Variants in PPM1H observed in about 807,000 individuals in gnomAD.
PPM1H encodes the protein protein phosphatase 1H.
In PPM1H, 27 loss-of-function variants were observed where a neutral mutation model predicts 54.9. That is an observed-to-expected ratio of 0.49 (90% CI 0.36 to 0.68). The LOEUF (loss-of-function observed/expected upper bound fraction) is 0.68, where lower values mean the gene tolerates loss of function less well. Among genes scored for constraint, PPM1H ranks in the 30% least tolerant of loss-of-function variants. The pLI is 0.00. For missense variants in PPM1H, 596 were observed against 667.8 expected, an observed-to-expected ratio of 0.89 and a Z score of 1.19; for synonymous variants, 305 against 270.8, an observed-to-expected ratio of 1.13 and a Z score of -1.24.
At chr12:62,767,468 C>T (rs1055883962) in intron 4 of PPM1H, among the ~76,000 whole-genome samples, 1 of 152,174 alleles carries the variant, frequency 6.6e-6, no homozygotes, top group African/African-American at 2.4e-5. Flanking sequence ...GCTGCTATAG[C>T]AGATAATCCT....
intron 9 of PPM1H, among the ~76,000 whole-genome samples, chr12:62,657,700 T>A (rs1025880099): frequency 2.0e-5 from 3 of 152,208 alleles, no homozygotes; most frequent in African/African-American, 7.2e-5. Flanking sequence ...TTCAGCTAAC[T>A]CATGGAAAGG....
At chr12:62,819,661 G>A (rs1191605602) in intron 2 of PPM1H, among the ~76,000 whole-genome samples, 1 of 151,978 alleles carries the variant, frequency 6.6e-6, no homozygotes, top group East Asian at 1.9e-4. Flanking sequence ...AGTTTGTTTT[G>A]TTGTTGTTGT....
At chr12:62,732,108 C>T (rs2076324311) in intron 5 of PPM1H, among the ~76,000 whole-genome samples, 1 of 152,160 alleles carries the variant, frequency 6.6e-6, no homozygotes, top group East Asian at 1.9e-4. Context: ...TTAGTCACGA[C>T]TGCAGATCAT....
At chr12:62,680,224 T>TTC (rs199790963) in intron 8 of PPM1H, among the ~76,000 whole-genome samples, 1,707 of 151,032 alleles carry the variant, frequency 0.011, 34 homozygotes, top group African/African-American at 0.039. Context: ...CTTTCTCCCT[T>TTC]TCTCTCTCTC....
intron 6 of PPM1H, among the ~76,000 whole-genome samples, chr12:62,695,865 G>A (rs2076112025): frequency 6.6e-6 from 1 of 152,128 alleles, no homozygotes; most frequent in Non-Finnish European, 1.5e-5. Flanking sequence ...AGATGAGCGT[G>A]AACAGGGATT....
chr12:62,802,342 A>T (rs2076776319), intron 2 of PPM1H, among the ~76,000 whole-genome samples, 182 bp from the exon 3 acceptor site: 1 of 151,960 alleles, frequency 6.6e-6, no homozygotes, highest in Non-Finnish European at 1.5e-5. Flanking sequence ...CAAAAAAAAC[A>T]CTCAGGGAAG....
intron 1 of PPM1H, among the ~76,000 whole-genome samples, chr12:62,854,675 C>T (rs142862515): frequency 3.9e-4 from 59 of 152,122 alleles, no homozygotes; most frequent in African/African-American, 1.3e-3. Flanking sequence ...CGTAAGTAAT[C>T]GCCATGAAAT....
chr12:62,692,017 G>C (rs2076085897), intron 7 of PPM1H, among the ~76,000 whole-genome samples: 1 of 152,156 alleles, frequency 6.6e-6, no homozygotes, highest in South Asian at 2.1e-4. Flanking sequence ...TTCTGCTAGT[G>C]ACTGACCTTG....
At chr12:62,850,839 G>C (rs1869157086) in intron 1 of PPM1H, 1 of 151,806 alleles carries the variant, frequency 6.6e-6, no homozygotes, top group South Asian at 2.1e-4. Flanking sequence ...GAGTGCAATG[G>C]ATAAACCTCG....
rs911177864 is a variant in PPM1H, at chr12:62,776,651, G to A, written c.869+11575C>T. ...CAAATGGGAAAGCAAGGTATTTTCT[G>A]GAGGGGTGAGGGCCAGCATTTCCAG... On this transcript the variant is annotated intron_variant, in intron 4 of 9. Transcript: ENST00000228705. 5.3e-4 allele frequency among the ~76,000 whole-genome samples: 81 copies of A among 152,168 alleles called. 1 individual carries two copies. The highest frequency in any genetic ancestry group is 1.9e-3 in the African/African-American group (78 of 41,434).
intron 6 of PPM1H, among the ~76,000 whole-genome samples, chr12:62,699,087 T>A (rs1565760619): frequency 6.6e-6 from 1 of 152,166 alleles, no homozygotes; most frequent in Non-Finnish European, 1.5e-5. Context: ...ACAAGGGGGG[T>A]GGCAACATTT....
intron 1 of PPM1H, among the ~76,000 whole-genome samples, chr12:62,886,323 T>C (rs1411038450): frequency 6.6e-6 from 1 of 152,216 alleles, no homozygotes; most frequent in Non-Finnish European, 1.5e-5. Context: ...TTATAGGTAA[T>C]TTACAAAACT....
intron 8 of PPM1H, among the ~76,000 whole-genome samples, chr12:62,680,151 A>G (rs2136626934): frequency 6.6e-6 from 1 of 152,246 alleles, no homozygotes; most frequent in East Asian, 1.9e-4. Context: ...GGGACTTCTT[A>G]GGCTAGGTTT....
intron 5 of PPM1H, among the ~76,000 whole-genome samples, chr12:62,728,571 A>T (rs957538761): frequency 1.3e-5 from 2 of 152,212 alleles, no homozygotes; most frequent in Admixed American, 1.3e-4. Flanking sequence ...CCTGAAGAAG[A>T]GGCACCTTCC....
chr12:62,651,554 G>A (rs931004529), intron 9 of PPM1H, among the ~76,000 whole-genome samples: 1 of 152,176 alleles, frequency 6.6e-6, no homozygotes, highest in African/African-American at 2.4e-5. Context: ...GGCTACCCAG[G>A]AAACTCATTT....
intron 3 of PPM1H, among the ~76,000 whole-genome samples, chr12:62,796,368 C>T (rs145667517): frequency 1.4e-4 from 22 of 152,286 alleles, no homozygotes; most frequent in African/African-American, 5.1e-4. Flanking sequence ...TGATGCCAGT[C>T]GCAAGCCCCA....
chr12:62,755,164 C>T, intron 4 of PPM1H: 1 of 536,458 alleles, frequency 1.9e-6, no homozygotes, highest in South Asian at 1.8e-5. Flanking sequence ...CTCTCTGCTC[C>T]TCCCATTTGA....
rs1872254344 is a variant in PPM1H, at chr12:62,934,453, C to A, written c.245+39G>T. On this transcript the variant is annotated intron_variant, in intron 1 of 9. Coordinates refer to ENST00000228705, the MANE Select transcript of PPM1H (RefSeq NM_020700.2). This position sits in a 1 kb window ranked among gnomAD's most constrained non-coding sequence, Gnocchi z 4.2. The stretch of plus-strand genomic sequence containing the variant: ...GCTGGAACCGTGCGGGGAAGGGCCG[C>A]GAGGAGAGCAGGGGCGCCGCCGGTG... The A allele has an allele frequency of 6.6e-7, 1 of 1,506,232 alleles. No homozygotes were observed. Among genetic ancestry groups the A allele is most frequent in the South Asian group, 1.3e-5 (1 of 78,190 alleles). 93.3% of individuals were successfully genotyped at this position (1,506,232 alleles called of 1,614,324 possible). A position where few individuals can be genotyped will look rare whatever the true frequency, so the allele number is the denominator to read the frequency against.
chr12:62,828,009 T>TCA, intron 2 of PPM1H, among the ~76,000 whole-genome samples: 1 of 152,298 alleles, frequency 6.6e-6, no homozygotes, highest in South Asian at 2.1e-4. Flanking sequence ...GACTCAGAGT[T>TCA]CAATATGTTC....
Sources: allele counts gnomAD v4.1 joint callset (sites outside exome capture counted in the v4.1 genomes callset), GRCh38; gene constraint gnomAD v4.1.1; non-coding constraint Gnocchi (gnomAD v3.1); transcripts MANE v1.5; gene names NCBI Gene and HGNC (gene_info 2026-07-23, HGNC 2026-07-21).